KCNIP4: variants seen among roughly 807,000 people sequenced by gnomAD.
KCNIP4 encodes the protein Kv channel-interacting protein 4.
KCNIP4 carries 12 observed loss-of-function variants against 34.0 expected under a neutral mutation model. The observed-to-expected ratio is 0.35, with a 90% confidence interval of 0.23 to 0.57. KCNIP4 has a LOEUF of 0.57. Ranked by LOEUF, KCNIP4 falls within the 20% of genes least tolerant of loss-of-function variation. KCNIP4 has a pLI of 0.83. For missense variants in KCNIP4, 238 were observed against 311.7 expected, an observed-to-expected ratio of 0.76 and a Z score of 1.78; for synonymous variants, 124 against 102.2, an observed-to-expected ratio of 1.21 and a Z score of -1.29.
intron 1 of KCNIP4, among the ~76,000 whole-genome samples, chr4:20,940,838 C>T (rs908097839): frequency 1.3e-5 from 2 of 152,098 alleles, no homozygotes; most frequent in Non-Finnish European, 2.9e-5. Context: ...TAGAGGAGAA[C>T]ATGAACATCA....
At chr4:21,342,432 T>A (rs1314453460) in intron 1 of KCNIP4, among the ~76,000 whole-genome samples, 5 of 152,130 alleles carry the variant, frequency 3.3e-5, no homozygotes, top group African/African-American at 1.2e-4. Flanking sequence ...AAAAACTCAT[T>A]AATAAACATT....
intron 1 of KCNIP4, among the ~76,000 whole-genome samples, chr4:21,636,721 A>T (rs1746197128): frequency 6.6e-6 from 1 of 152,228 alleles, no homozygotes; most frequent in Non-Finnish European, 1.5e-5. Flanking sequence ...CAGAAGCTAG[A>T]GAGCAAAGAG....
chr4:20,863,145 C>G (rs368410559), intron 2 of KCNIP4, among the ~76,000 whole-genome samples: 2 of 152,180 alleles, frequency 1.3e-5, no homozygotes, highest in African/African-American at 4.8e-5. Flanking sequence ...GTGGGAGACC[C>G]GAGTTTTATT....
rs116754103 is a variant in KCNIP4 at position 21,277,769 on chromosome 4, G to A, written c.62-395060C>T. ...TCAAGGAAATAAAGCAAAATAATTC[G>A]CCAGAGTTGAAGCATTAGGCCGTCA... On this transcript the variant is annotated intron_variant, in intron 1 of 8. Coordinates refer to ENST00000382152, the MANE Select transcript of KCNIP4 (RefSeq NM_025221.6). Among the ~76,000 whole-genome samples the A allele has an allele frequency of 6.0e-3, 907 of 152,168 alleles. 6 individuals are homozygous for A. The highest frequency in any genetic ancestry group is 9.4e-3 in the Non-Finnish European group (642 of 68,014).
At chr4:21,454,941 G>T (rs1387601898) in intron 1 of KCNIP4, among the ~76,000 whole-genome samples, 1 of 152,008 alleles carries the variant, frequency 6.6e-6, no homozygotes, top group East Asian at 1.9e-4. Context: ...AGCTCATAGG[G>T]TGACCAACTG....
intron 1 of KCNIP4, among the ~76,000 whole-genome samples, chr4:21,094,144 T>C (rs78750925): frequency 0.085 from 12,975 of 152,150 alleles, 637 homozygotes; most frequent in Middle Eastern, 0.15. Flanking sequence ...TAAAACATTG[T>C]AAAAGAAATT....
intron 1 of KCNIP4, among the ~76,000 whole-genome samples, chr4:21,774,190 T>A (rs1719018788): frequency 6.6e-6 from 1 of 152,122 alleles, no homozygotes; most frequent in South Asian, 2.1e-4. Flanking sequence ...ATCCTTCACT[T>A]ATAAAACTTA....
chr4:20,979,897 C>T (rs1466555500), intron 1 of KCNIP4, among the ~76,000 whole-genome samples: 1 of 152,116 alleles, frequency 6.6e-6, no homozygotes. Context: ...GTTCTTAGAC[C>T]CATGTGCAAC....
intron 1 of KCNIP4, among the ~76,000 whole-genome samples, chr4:21,792,866 T>C (rs1720387856): frequency 6.6e-6 from 1 of 152,372 alleles, no homozygotes; most frequent in Admixed American, 6.5e-5. Flanking sequence ...CCTATTTCTT[T>C]GTAAATACCA....
chr4:21,695,967 T>C (rs1399299149), intron 1 of KCNIP4, among the ~76,000 whole-genome samples: 1 of 151,946 alleles, frequency 6.6e-6, no homozygotes, highest in Non-Finnish European at 1.5e-5. Context: ...GACTAAACAT[T>C]TGTAATCTAA....
intron 1 of KCNIP4, among the ~76,000 whole-genome samples, chr4:21,383,631 G>A (rs7675173): frequency 0.84 from 127,861 of 152,018 alleles, 54,141 homozygotes; most frequent in Non-Finnish European, 0.89. Flanking sequence ...CACTAAGTGA[G>A]TATTTGCTGA....
At chr4:21,507,835 T>C (rs1733974934) in intron 1 of KCNIP4, among the ~76,000 whole-genome samples, 1 of 152,198 alleles carries the variant, frequency 6.6e-6, no homozygotes, top group Admixed American at 6.5e-5. Flanking sequence ...AATTCTCGTC[T>C]AACAGCTATT....
intron 1 of KCNIP4, among the ~76,000 whole-genome samples, chr4:21,093,006 C>T (rs565108445): frequency 6.6e-6 from 1 of 152,310 alleles, no homozygotes; most frequent in African/African-American, 2.4e-5. Flanking sequence ...AAAAAACTAA[C>T]GGCTTTGAGA....
intron 1 of KCNIP4, among the ~76,000 whole-genome samples, chr4:21,508,169 C>A (rs1198593813): frequency 6.6e-6 from 1 of 152,144 alleles, no homozygotes; most frequent in Non-Finnish European, 1.5e-5. Context: ...AGGATATTTT[C>A]ACTTAAGGAT....
chr4:20,938,809 A>C (rs1731345059), intron 1 of KCNIP4, among the ~76,000 whole-genome samples: 1 of 152,236 alleles, frequency 6.6e-6, no homozygotes, highest in Non-Finnish European at 1.5e-5. Flanking sequence ...GGCTTAGTCC[A>C]GTCCCAAATA....
chr4:20,827,867 G>A (rs1717947751), intron 3 of KCNIP4, among the ~76,000 whole-genome samples: 1 of 150,964 alleles, frequency 6.6e-6, no homozygotes, highest in Admixed American at 6.6e-5. Context: ...AACTAAATCT[G>A]ATATGTAAAA....
At chr4:20,743,242 C>G (rs1372881031) in intron 5 of KCNIP4, among the ~76,000 whole-genome samples, 1 of 152,156 alleles carries the variant, frequency 6.6e-6, no homozygotes, top group East Asian at 1.9e-4. Context: ...CTACCAATGA[C>G]TTTCTTCACA....
At chr4:20,845,643 T>A (rs1372504042) in intron 3 of KCNIP4, among the ~76,000 whole-genome samples, 1 of 152,118 alleles carries the variant, frequency 6.6e-6, no homozygotes, top group East Asian at 1.9e-4. Context: ...GCCACACCCA[T>A]GACTGTACTA....
At chr4:21,698,150 A>G (rs1190799192) in intron 1 of KCNIP4, among the ~76,000 whole-genome samples, 1 of 152,152 alleles carries the variant, frequency 6.6e-6, no homozygotes, top group Non-Finnish European at 1.5e-5. Context: ...GGACAATGCT[A>G]TTTTGTCAGG....
Sources: gnomAD v4.1 joint callset for allele counts (sites outside exome capture counted in the v4.1 genomes callset) on GRCh38, gnomAD v4.1.1 for gene constraint, MANE v1.5 for transcripts, NCBI Gene and HGNC (gene_info 2026-07-23, HGNC 2026-07-21) for gene names.